The following APBA2 variants were observed in gnomAD, a reference collection of about 807,000 sequenced individuals.
APBA2 encodes the protein amyloid-beta A4 precursor protein-binding family A member 2.
APBA2 carries 30 observed loss-of-function variants against 75.0 expected under a neutral mutation model. That is an observed-to-expected ratio of 0.40 (90% CI 0.30 to 0.54). The LOEUF (loss-of-function observed/expected upper bound fraction) is 0.54, where lower values mean the gene tolerates loss of function less well. Among genes scored for constraint, APBA2 ranks in the 20% least tolerant of loss-of-function variants. The pLI is 0.49. For missense variants in APBA2, 801 were observed against 1,016.1 expected (o/e 0.79, Z 2.88); for synonymous variants, 444 against 409.6 (o/e 1.08, Z -1.01).
At chr15:28,937,367 G>A (rs1185486622) in intron 2 of APBA2, among the ~76,000 whole-genome samples, 1 of 152,216 alleles carries the variant, frequency 6.6e-6, no homozygotes, top group South Asian at 2.1e-4. Context: ...CTGAGGGACA[G>A]AACCCTGTCA....
At chr15:28,999,842 C>T (rs2038748493) in intron 3 of APBA2, among the ~76,000 whole-genome samples, 1 of 152,180 alleles carries the variant, frequency 6.6e-6, no homozygotes, top group Admixed American at 6.5e-5. Flanking sequence ...AATCTGCCAT[C>T]TGCAAGCTGG....
At chr15:28,993,429 C>T (rs968688902) in intron 2 of APBA2, among the ~76,000 whole-genome samples, 2 of 152,088 alleles carry the variant, frequency 1.3e-5, no homozygotes, top group South Asian at 2.1e-4. Flanking sequence ...GGCTTTTGAG[C>T]GAAAATGCTG....
chr15:28,951,007 A>G (rs975512048), intron 2 of APBA2, among the ~76,000 whole-genome samples: 6 of 152,140 alleles, frequency 3.9e-5, no homozygotes, highest in African/African-American at 7.2e-5. Context: ...GAGTACAGTC[A>G]GTTGGCCATA....
intron 3 of APBA2, among the ~76,000 whole-genome samples, chr15:29,040,509 A>T (rs2040979877): frequency 6.6e-6 from 1 of 152,254 alleles, no homozygotes; most frequent in Non-Finnish European, 1.5e-5. Flanking sequence ...AAGCTGCAAT[A>T]GAAACCGTGG....
intron 4 of APBA2, among the ~76,000 whole-genome samples, chr15:29,060,776 A>G (rs1477649138): frequency 6.6e-6 from 1 of 152,040 alleles, no homozygotes; most frequent in African/African-American, 2.4e-5. Flanking sequence ...CTTTGTTGAC[A>G]TAACGTATTG....
chr15:29,028,286 G>T (rs2040326328), intron 3 of APBA2, among the ~76,000 whole-genome samples: 1 of 152,064 alleles, frequency 6.6e-6, no homozygotes, highest in African/African-American at 2.4e-5. Flanking sequence ...GTTTGCTGAG[G>T]ATAATGGCTT....
chr15:28,989,267 T>C, intron 2 of APBA2, among the ~76,000 whole-genome samples: 1 of 152,190 alleles, frequency 6.6e-6, no homozygotes, highest in East Asian at 1.9e-4. Flanking sequence ...TTGCCAGGGT[T>C]AAATCCCAGC....
chr15:28,892,681 A>G (rs1316923851), intron 1 of APBA2, among the ~76,000 whole-genome samples: 4 of 150,502 alleles, frequency 2.7e-5, no homozygotes, highest in Non-Finnish European at 5.9e-5. Context: ...ATATGTGTGT[A>G]TGTATGTGTA....
At chr15:28,983,486 C>T (rs937936381) in intron 2 of APBA2, among the ~76,000 whole-genome samples, 2 of 152,170 alleles carry the variant, frequency 1.3e-5, no homozygotes, top group African/African-American at 4.8e-5. Context: ...ACATTATTTT[C>T]TAGAGTCTCT....
intron 2 of APBA2, among the ~76,000 whole-genome samples, chr15:28,975,205 TA>T (rs912943775): frequency 7.3e-5 from 11 of 150,806 alleles, no homozygotes; most frequent in Non-Finnish European, 1.3e-4. Context: ...CAGAAAGTTT[TA>T]AAAAAAAATT....
chr15:28,984,624 T>C (rs1166346013), intron 2 of APBA2, among the ~76,000 whole-genome samples: 1 of 151,944 alleles, frequency 6.6e-6, no homozygotes, highest in Non-Finnish European at 1.5e-5. Flanking sequence ...TCTCTGTCTC[T>C]CTCTGGGTGT....
chr15:29,109,365 T>TA (rs889306730), intron 13 of APBA2, among the ~76,000 whole-genome samples: 10 of 152,184 alleles, frequency 6.6e-5, no homozygotes, highest in African/African-American at 2.4e-4. Context: ...TTTGCTGCTA[T>TA]AAAAAAGAGT....
chr15:28,940,770 G>C (rs1322652969), intron 2 of APBA2, among the ~76,000 whole-genome samples: 3 of 152,160 alleles, frequency 2.0e-5, no homozygotes, highest in African/African-American at 7.2e-5. Context: ...TTGATACCGG[G>C]TTGGGGGCGG....
At chr15:29,100,762 G>A (rs1006934399) in intron 9 of APBA2, among the ~76,000 whole-genome samples, 1 of 152,024 alleles carries the variant, frequency 6.6e-6, no homozygotes, top group Admixed American at 6.5e-5. Flanking sequence ...AGAGCACCTC[G>A]TTCAGAAGGG....
At chr15:29,021,693 G>A (rs1343795903) in intron 3 of APBA2, among the ~76,000 whole-genome samples, 1 of 152,068 alleles carries the variant, frequency 6.6e-6, no homozygotes, top group Non-Finnish European at 1.5e-5. Context: ...ATTTTTAACT[G>A]TACAATACAG....
At chr15:29,049,600 C>T (rs2152879668) in intron 3 of APBA2, among the ~76,000 whole-genome samples, 1 of 152,290 alleles carries the variant, frequency 6.6e-6, no homozygotes, top group South Asian at 2.1e-4. Context: ...ACAGGCACCT[C>T]TTCACATCTC....
chr15:29,016,280 A>G (rs568295430), intron 3 of APBA2, among the ~76,000 whole-genome samples: 33 of 152,322 alleles, frequency 2.2e-4, no homozygotes, highest in Non-Finnish European at 4.1e-4. Flanking sequence ...CAAGCAGACA[A>G]ACAAACATAT....
intron 6 of APBA2, 89 bp from the exon 7 acceptor site, chr15:29,092,986 C>G (rs1368043262): frequency 6.5e-7 from 1 of 1,549,092 alleles, no homozygotes; most frequent in East Asian, 2.2e-5. Flanking sequence ...TCCTGGCTGC[C>G]GTGTTCCTTG....
intron 3 of APBA2, among the ~76,000 whole-genome samples, chr15:29,007,560 A>T (rs2039182964): frequency 6.6e-6 from 1 of 152,238 alleles, no homozygotes; most frequent in Non-Finnish European, 1.5e-5. Context: ...TAACAAACGA[A>T]CAAAGGGCTT....
Sources: allele counts gnomAD v4.1 joint callset (sites outside exome capture counted in the v4.1 genomes callset), GRCh38; gene constraint gnomAD v4.1.1; transcripts MANE v1.5; gene names NCBI Gene and HGNC (gene_info 2026-07-23, HGNC 2026-07-21).